GABRA4: variants seen among roughly 807,000 people sequenced by gnomAD.
The protein encoded by GABRA4 is gamma-aminobutyric acid receptor subunit alpha-4.
Under a neutral mutation model 49.7 loss-of-function variants are expected in GABRA4, and 12 were observed. The observed-to-expected ratio is 0.24, with a 90% CI of 0.15 to 0.39. GABRA4 has a LOEUF of 0.39. GABRA4 is among the 10% of genes least tolerant of loss of function. The probability of loss-of-function intolerance (pLI) is 1.00; values close to 1 mark genes in which losing one functional copy is unlikely to be tolerated. For missense variants in GABRA4, 506 were observed against 686.0 expected (o/e 0.74, Z 2.93); for synonymous variants, 288 against 240.2 (o/e 1.20, Z -1.84).
intron 8 of GABRA4, among the ~76,000 whole-genome samples, chr4:46,942,437 C>A (rs1577753112): frequency 6.6e-6 from 1 of 151,918 alleles, no homozygotes; most frequent in Non-Finnish European, 1.5e-5. Flanking sequence ...CTAGCCAACA[C>A]AGTGAAACCC....
intron 2 of GABRA4, among the ~76,000 whole-genome samples, chr4:46,984,431 C>T (rs1463244304): frequency 2.0e-5 from 3 of 151,904 alleles, no homozygotes; most frequent in East Asian, 1.9e-4. Context: ...ACAAGAGATA[C>T]CCATTGATAT....
At chr4:46,950,738 A>AATAAATAAATAAATAC (rs1450448353) in intron 8 of GABRA4, among the ~76,000 whole-genome samples, 9 of 127,704 alleles carry the variant, frequency 7.0e-5, no homozygotes, top group African/African-American at 2.6e-4. Context: ...TAAATAAATA[A>AATAAATAAATAAATAC]ATAAATAAAT....
At chr4:46,977,669 G>A in intron 3 of GABRA4, 39 bp from the exon 4 acceptor site, 1 of 1,374,506 alleles carries the variant, frequency 7.3e-7, no homozygotes, top group Non-Finnish European at 1.0e-6. Flanking sequence ...AGTTGCAAAT[G>A]ACTACACATA....
chr4:46,965,332 T>G, intron 7 of GABRA4, 103 bp from the exon 8 acceptor site: 1 of 930,120 alleles, frequency 1.1e-6, no homozygotes, highest in African/African-American at 1.7e-5. Context: ...GGAATAGGGT[T>G]AACAAAACTA....
chr4:46,978,703 A>AG (rs1723236997), intron 3 of GABRA4, among the ~76,000 whole-genome samples: 1 of 149,846 alleles, frequency 6.7e-6, no homozygotes, highest in African/African-American at 2.4e-5. Context: ...AAAAAAAAAA[A>AG]AAAAAAAAAA....
chr4:46,991,236 TC>T (rs1723733792), intron 2 of GABRA4, among the ~76,000 whole-genome samples: 1 of 152,046 alleles, frequency 6.6e-6, no homozygotes, highest in Non-Finnish European at 1.5e-5. Flanking sequence ...CTCAATGACT[TC>T]CCATAACCTT....
chr4:46,974,110 T>G (rs765888020), intron 6 of GABRA4, 122 bp downstream of exon 6: 5 of 923,158 alleles, frequency 5.4e-6, no homozygotes, highest in Non-Finnish European at 8.2e-6. Flanking sequence ...ATGCATCAAC[T>G]CTATTTCTGG....
chr4:46,972,377 T>C (rs903414301), intron 6 of GABRA4, among the ~76,000 whole-genome samples: 1 of 151,676 alleles, frequency 6.6e-6, no homozygotes, highest in Non-Finnish European at 1.5e-5. Flanking sequence ...GACTTATGTA[T>C]TAATTTTATT....
In GABRA4 at chr4:46,977,735, C is replaced by T. The variant is rs565918524; in HGVS notation, c.274-105G>A. 2.4e-5 allele frequency: 17 copies of T among 716,508 alleles called. No homozygotes were observed. The African/African-American group carries it at 2.7e-4, about 11-fold the overall frequency. 44.4% of individuals were successfully genotyped at this position (716,508 alleles called of 1,614,324 possible). A position where few individuals can be genotyped will look rare whatever the true frequency, so the allele number is the denominator to read the frequency against. On this transcript the variant is annotated intron_variant, in intron 3 of 8. Coordinates refer to ENST00000264318, the MANE Select transcript of GABRA4 (RefSeq NM_000809.4). ...CTTCCTTCATGCTCATAAAAAAATA[C>T]CACTCCAAATAAAATTAATAGGAGC... is the stretch of plus-strand genomic sequence containing the variant.
At position 46,944,090 on chromosome 4, in the gene GABRA4, A is replaced by G. The variant is rs1469462990; in HGVS notation, c.1135-15335T>C. Reference sequence around the variant, plus strand: ...TCGGGACTACGGTTAATCATACTGTATTGTATACTATAAATTTGCACGAAA... The same window carrying G: ...TCGGGACTACGGTTAATCATACTGTGTTGTATACTATAAATTTGCACGAAA... On this transcript the variant is annotated intron_variant, in intron 8 of 8. Transcript: ENST00000264318. Among the ~76,000 whole-genome samples the G allele has an allele frequency of 2.2e-4, 33 of 152,098 alleles. 1 individual carries two copies. The highest frequency in any genetic ancestry group is 2.2e-3 in the Admixed American group (33 of 15,250).
intron 8 of GABRA4, among the ~76,000 whole-genome samples, chr4:46,949,803 T>TA (rs1722103472): frequency 6.6e-6 from 1 of 151,978 alleles, no homozygotes; most frequent in Non-Finnish European, 1.5e-5. Context: ...TGTGGGAAAA[T>TA]AAGTATAAAG....
intron 2 of GABRA4, among the ~76,000 whole-genome samples, chr4:46,989,670 C>T (rs1056190547): frequency 6.6e-6 from 1 of 152,216 alleles, no homozygotes; most frequent in African/African-American, 2.4e-5. Flanking sequence ...ACTGAGCAAT[C>T]ACAAACCATC....
chr4:46,930,848 CTGT>C, intron 8 of GABRA4, among the ~76,000 whole-genome samples: 1 of 151,392 alleles, frequency 6.6e-6, no homozygotes, highest in Admixed American at 6.6e-5. Context: ...AAAAAAAAAC[CTGT>C]TGTTTGAAGA....
intron 8 of GABRA4, among the ~76,000 whole-genome samples, chr4:46,949,529 A>G (rs1028959931): frequency 6.6e-6 from 1 of 152,096 alleles, no homozygotes; most frequent in South Asian, 2.1e-4. Flanking sequence ...CAAACTATCC[A>G]TTGTAGATTA....
intron 8 of GABRA4, among the ~76,000 whole-genome samples, chr4:46,942,066 T>C (rs1476694649): frequency 1.3e-5 from 2 of 152,186 alleles, no homozygotes; most frequent in African/African-American, 2.4e-5. Flanking sequence ...AACATACTTT[T>C]AATTTGTTGA....
rs1310391347 is a variant in GABRA4 at position 46,921,521 on chromosome 4, C to T, written c.*6704G>A. On this transcript the variant is annotated 3_prime_UTR_variant, in exon 9 of 9. Coordinates refer to ENST00000264318, the MANE Select transcript of GABRA4 (RefSeq NM_000809.4). ...TACAGGAGTTCTTTCTATCAGCTTC[C>T]TAGTCCTTCTCAATTTTCTAAGGTG... The T allele has an allele frequency of 3.3e-5, 5 of 151,974 alleles. No individual in the cohort carries two copies. Among genetic ancestry groups the T allele is most frequent in the Admixed American group, 2.0e-4 (3 of 15,234 alleles). 9.4% of individuals were successfully genotyped at this position (151,974 alleles called of 1,614,324 possible). A position where few individuals can be genotyped will look rare whatever the true frequency, so the allele number is the denominator to read the frequency against.
chr4:46,930,387 T>C (rs1560461127), intron 8 of GABRA4, among the ~76,000 whole-genome samples: 1 of 152,076 alleles, frequency 6.6e-6, no homozygotes, highest in Non-Finnish European at 1.5e-5. Context: ...AGTAATTAAC[T>C]GATTATCATT....
At chr4:46,987,952 C>T (rs958101918) in intron 2 of GABRA4, among the ~76,000 whole-genome samples, 1 of 152,088 alleles carries the variant, frequency 6.6e-6, no homozygotes, top group South Asian at 2.1e-4. Flanking sequence ...GAGACCTGGC[C>T]TCTATTTAAT....
chr4:46,987,769 T>C (rs1325350394), intron 2 of GABRA4, among the ~76,000 whole-genome samples: 1 of 152,144 alleles, frequency 6.6e-6, no homozygotes, highest in Non-Finnish European at 1.5e-5. Flanking sequence ...TTGGTCTCCC[T>C]GCTTCCAAAT....
Sources: gnomAD v4.1 joint callset for allele counts (sites outside exome capture counted in the v4.1 genomes callset) on GRCh38, gnomAD v4.1.1 for gene constraint, MANE v1.5 for transcripts, NCBI Gene and HGNC (gene_info 2026-07-23, HGNC 2026-07-21) for gene names.